The following DYRK4 variants were observed in gnomAD, a reference collection of about 807,000 sequenced individuals.
DYRK4 encodes dual specificity tyrosine phosphorylation regulated kinase 4, also known as dual specificity tyrosine-phosphorylation-regulated kinase 4.
In DYRK4, 64 loss-of-function variants were observed where a neutral mutation model predicts 68.3. The ratio of observed to expected loss-of-function variants is 0.94; its 90% confidence interval spans 0.77 to 1.15. The LOEUF is 1.15. DYRK4 is among the 50% of genes most tolerant of loss of function. The pLI, the probability that DYRK4 is intolerant of heterozygous loss-of-function variation, is 0.00. For missense variants in DYRK4, 740 were observed against 764.7 expected (o/e 0.97, Z 0.38); for synonymous variants, 274 against 289.9 (o/e 0.95, Z 0.56).
intron 2 of DYRK4, among the ~76,000 whole-genome samples, chr12:4,587,589 AT>A (rs1383944858): frequency 6.6e-6 from 1 of 152,206 alleles, no homozygotes; most frequent in African/African-American, 2.4e-5. Flanking sequence ...TGCAATTGCA[AT>A]ATTTGCTCAG....
At chr12:4,574,910 G>T (rs1454583836) in intron 2 of DYRK4, among the ~76,000 whole-genome samples, 2 of 152,148 alleles carry the variant, frequency 1.3e-5, no homozygotes, top group Non-Finnish European at 2.9e-5. Flanking sequence ...TAGAAATGGG[G>T]TTTCACCTTG....
chr12:4,586,648 G>A (rs1944899455), intron 2 of DYRK4, among the ~76,000 whole-genome samples: 1 of 151,804 alleles, frequency 6.6e-6, no homozygotes, highest in African/African-American at 2.4e-5. Flanking sequence ...GAGATGTAGA[G>A]GCCACCAGTC....
chr12:4,597,890 C>G (rs1375314658), intron 8 of DYRK4, among the ~76,000 whole-genome samples: 1 of 151,958 alleles, frequency 6.6e-6, no homozygotes, highest in Non-Finnish European at 1.5e-5. Context: ...AAACACATCT[C>G]TACTAAAAAC....
chr12:4,592,931 C>A, intron 5 of DYRK4, 71 bp from the exon 6 acceptor site: 1 of 1,551,914 alleles, frequency 6.4e-7, no homozygotes, highest in South Asian at 1.2e-5. Context: ...GGAAGGGATG[C>A]CATCGTCTGC....
rs67382133 is a variant in DYRK4, at chr12:4,607,501, C to T, written c.1360+114C>T. On this transcript the variant is annotated intron_variant, in intron 12 of 14. Coordinates refer to ENST00000543431, the MANE Select transcript of DYRK4 (RefSeq NM_001394779.1). ...CATACCAAAGGGCTGTGATTAAGAG[C>T]GTCTTTCAGAGAAGTAAAAGATAAT... 2.6e-3 allele frequency: 3,081 copies of T among 1,163,174 alleles called. 4 individuals are homozygous for T. The highest frequency in any genetic ancestry group is 3.5e-3 in the Non-Finnish European group (2,818 of 795,802). 72.1% of individuals were successfully genotyped at this position (1,163,174 alleles called of 1,614,324 possible).
intron 10 of DYRK4, chr12:4,602,543 G>T: frequency 8.5e-7 from 1 of 1,172,808 alleles, no homozygotes. Flanking sequence ...CTTATAAGTG[G>T]AGGGATATAA....
intron 6 of DYRK4, among the ~76,000 whole-genome samples, chr12:4,595,800 A>G (rs1591800698): frequency 6.6e-6 from 1 of 152,324 alleles, no homozygotes; most frequent in East Asian, 1.9e-4. Context: ...CAACCCTCTT[A>G]CTTTATAGGT....
chr12:4,592,846 C>T (rs559844638), intron 5 of DYRK4, 156 bp from the exon 6 acceptor site: 2 of 728,336 alleles, frequency 2.7e-6, no homozygotes, highest in African/African-American at 3.6e-5. Flanking sequence ...TGTCATACTT[C>T]CATCTTGTGA....
chr12:4,566,131 G>A (rs530118944), intron 1 of DYRK4, among the ~76,000 whole-genome samples: 207 of 152,288 alleles, frequency 1.4e-3, no homozygotes, highest in Non-Finnish European at 2.6e-3. Flanking sequence ...CCCACTGTCA[G>A]TGCCTTGGTT....
At chr12:4,562,391 G>A (rs1439467390) in intron 1 of DYRK4, 108 bp downstream of exon 1, 13 of 1,354,472 alleles carry the variant, frequency 9.6e-6, no homozygotes, top group Non-Finnish European at 1.3e-5. Flanking sequence ...AAAGCGTGCA[G>A]AATGCAAGAG....
intron 10 of DYRK4, chr12:4,602,605 G>C (rs1301629944): frequency 7.5e-7 from 1 of 1,336,098 alleles, no homozygotes; most frequent in Non-Finnish European, 1.1e-6. Context: ...CTTTGCTGCA[G>C]AATCTTCTTT....
At chr12:4,608,766 A>G (rs535335142) in intron 12 of DYRK4, among the ~76,000 whole-genome samples, 4 of 152,294 alleles carry the variant, frequency 2.6e-5, no homozygotes, top group South Asian at 2.1e-4. Context: ...TCTTTTAAAC[A>G]TCATCTGGTA....
chr12:4,591,157 C>T lies in DYRK4; in HGVS notation c.325-3C>T. The T allele has an allele frequency of 6.2e-7, 1 of 1,613,798 alleles. No homozygotes were observed. The highest frequency in any genetic ancestry group is 8.5e-7 in the Non-Finnish European group (1 of 1,179,852). Reference sequence around the variant, plus strand: ...TTTATTGCAAACCTCTTTTCCTGGACAGGAGAATCAAGCTCACAATCAGAT... The same window carrying T: ...TTTATTGCAAACCTCTTTTCCTGGATAGGAGAATCAAGCTCACAATCAGAT... On this transcript the variant is annotated splice_region_variant and splice_polypyrimidine_tract_variant and intron_variant, in intron 4 of 14. Coordinates refer to ENST00000543431, the MANE Select transcript of DYRK4 (RefSeq NM_001394779.1). The surrounding 1 kb of genome is among the most constrained non-coding windows in gnomAD (Gnocchi z 4.1).
At chr12:4,603,373 T>G (rs1945102957) in intron 10 of DYRK4, 1 of 491,166 alleles carries the variant, frequency 2.0e-6, no homozygotes, top group Non-Finnish European at 3.8e-6. Context: ...CAGATTCATC[T>G]TTGTATTCTT....
intron 6 of DYRK4, among the ~76,000 whole-genome samples, chr12:4,595,291 C>G (rs61909646): frequency 0.017 from 2,521 of 152,294 alleles, 30 homozygotes; most frequent in Non-Finnish European, 0.027. Flanking sequence ...TGTGCACAAA[C>G]ACTTAATCCT....
In DYRK4 at chr12:4,599,103, C is replaced by T; in HGVS notation, c.981C>T (p.Leu327=). ...FSLSIVRRFT[L]SVLKCLQMLS... Reference sequence around the variant, plus strand: ...TGTCCATAGTTCGGCGCTTCACTCTCTCTGTTTTGAAGTGCTTGCAGATGC... The same window carrying T: ...TGTCCATAGTTCGGCGCTTCACTCTTTCTGTTTTGAAGTGCTTGCAGATGC... Residue 327 remains leucine, a synonymous_variant, in exon 9 of 15, where the codon CTC becomes CTT. Transcript: ENST00000543431. 1 of 1,613,962 alleles carries T rather than the reference C, an allele frequency of 6.2e-7. No individual in the cohort carries two copies. Among genetic ancestry groups the T allele is most frequent in the Non-Finnish European group, 8.5e-7 (1 of 1,180,004 alleles).
intron 10 of DYRK4, among the ~76,000 whole-genome samples, chr12:4,600,649 A>G (rs893129037): frequency 1.3e-5 from 2 of 151,060 alleles, no homozygotes; most frequent in African/African-American, 4.9e-5. Flanking sequence ...ATTAATAAAG[A>G]ATATAATAAA....
Position 4,613,445 on chromosome 12 carries a change from C to T in DYRK4, c.1667-70C>T. 6.5e-7 allele frequency: 1 copy of T among 1,536,286 alleles called. No individual in the cohort carries two copies. The highest frequency in any genetic ancestry group is 8.8e-7 in the Non-Finnish European group (1 of 1,134,130). ...ATCGTTTCCACTAAGTGATGTACAA[C>T]CTAAAGGACAATTAACATATAATCC... is the stretch of plus-strand genomic sequence containing the variant. On this transcript the variant is annotated intron_variant, in intron 14 of 14. Transcript: ENST00000543431. This position sits in a 1 kb window ranked among gnomAD's most constrained non-coding sequence, Gnocchi z 4.0.
intron 13 of DYRK4, 55 bp downstream of exon 13, chr12:4,610,339 GAC>G: frequency 6.9e-7 from 1 of 1,452,496 alleles, no homozygotes; most frequent in Non-Finnish European, 9.1e-7. Flanking sequence ...GCTGTACTTT[GAC>G]ACACGTTTGC....
Sources: gnomAD v4.1 joint callset for allele counts (sites outside exome capture counted in the v4.1 genomes callset) on GRCh38, gnomAD v4.1.1 for gene constraint, Gnocchi (gnomAD v3.1) non-coding constraint, MANE v1.5 for transcripts, NCBI Gene and HGNC (gene_info 2026-07-23, HGNC 2026-07-21) for gene names.